The following PACRG variants were observed in gnomAD, a reference collection of about 807,000 sequenced individuals.
The protein encoded by PACRG is parkin coregulated, also known as parkin coregulated gene protein.
In PACRG, 29 loss-of-function variants were observed where a neutral mutation model predicts 29.7. That is an observed-to-expected ratio of 0.98 (90% CI 0.73 to 1.33). The LOEUF (loss-of-function observed/expected upper bound fraction) is 1.33, where lower values mean the gene tolerates loss of function less well. Ranked by LOEUF, PACRG falls within the 40% of genes most tolerant of loss-of-function variation. The pLI is 0.00. For missense variants in PACRG, 279 were observed against 316.2 expected (o/e 0.88, Z 0.89); for synonymous variants, 116 against 118.7 (o/e 0.98, Z 0.15).
At chr6:163,095,299 CT>C in intron 4 of PACRG, 3 of 985,288 alleles carry the variant, frequency 3.0e-6, no homozygotes, top group Non-Finnish European at 3.6e-6. Flanking sequence ...CAGTCACAAA[CT>C]GTAAATTACG....
chr6:163,235,198 C>T (rs577952940), intron 4 of PACRG, among the ~76,000 whole-genome samples: 15 of 152,268 alleles, frequency 9.9e-5, no homozygotes, highest in African/African-American at 1.7e-4. Flanking sequence ...GCAGTTCAGA[C>T]GCACCACATT....
At chr6:163,129,447 C>T (rs1242052813) in intron 4 of PACRG, among the ~76,000 whole-genome samples, 1 of 152,190 alleles carries the variant, frequency 6.6e-6, no homozygotes, top group East Asian at 1.9e-4. Context: ...GCAGCCCTCA[C>T]CATCAGGGCA....
At chr6:162,874,848 A>C (rs938916940) in intron 2 of PACRG, among the ~76,000 whole-genome samples, 7 of 152,026 alleles carry the variant, frequency 4.6e-5, no homozygotes, top group Non-Finnish European at 1.0e-4. Context: ...TCACATTCAC[A>C]TCATTCACAC....
chr6:162,913,186 T>C (rs1796434428), intron 2 of PACRG, among the ~76,000 whole-genome samples: 1 of 152,204 alleles, frequency 6.6e-6, no homozygotes, highest in African/African-American at 2.4e-5. Context: ...TGTTGGCCTC[T>C]GTATACACCC....
intron 2 of PACRG, among the ~76,000 whole-genome samples, chr6:162,972,451 G>A (rs928312024): frequency 6.6e-6 from 1 of 151,916 alleles, no homozygotes; most frequent in Non-Finnish European, 1.5e-5. Context: ...CCCCATAGTC[G>A]ACTATGATCT....
chr6:163,294,543 G>C (rs1329440853), intron 4 of PACRG, among the ~76,000 whole-genome samples: 1 of 152,102 alleles, frequency 6.6e-6, no homozygotes, highest in Non-Finnish European at 1.5e-5. Context: ...AATTTGAAAG[G>C]AAAGACATAT....
intron 3 of PACRG, among the ~76,000 whole-genome samples, chr6:163,079,543 A>T (rs567696335): frequency 4.9e-4 from 74 of 152,314 alleles, no homozygotes; most frequent in Non-Finnish European, 5.6e-4. Context: ...ATGAGGAAAC[A>T]TATTAGAATA....
intron 2 of PACRG, among the ~76,000 whole-genome samples, chr6:163,011,770 AT>A (rs1805640009): frequency 6.6e-6 from 1 of 152,156 alleles, no homozygotes; most frequent in Admixed American, 6.5e-5. Context: ...TTACATCCTT[AT>A]TCTATAAGCT....
chr6:162,867,553 C>T (rs750721489), intron 2 of PACRG, among the ~76,000 whole-genome samples: 2 of 152,262 alleles, frequency 1.3e-5, no homozygotes, highest in African/African-American at 4.8e-5. Flanking sequence ...CTCCTCTCTC[C>T]GCTCCCAGAC....
At chr6:162,854,924 C>A (rs1019943426) in intron 2 of PACRG, among the ~76,000 whole-genome samples, 2 of 152,238 alleles carry the variant, frequency 1.3e-5, no homozygotes, top group South Asian at 2.1e-4. Context: ...TTCTTCCGCC[C>A]TTCCTCTTAT....
chr6:163,292,290 G>A (rs576903317), intron 4 of PACRG, among the ~76,000 whole-genome samples: 14 of 152,284 alleles, frequency 9.2e-5, no homozygotes, highest in South Asian at 8.3e-4. Context: ...TTTTGGTAGC[G>A]TAATCCAGTG....
intron 2 of PACRG, among the ~76,000 whole-genome samples, chr6:163,060,672 A>G (rs1414184932): frequency 6.6e-6 from 1 of 152,066 alleles, no homozygotes; most frequent in Non-Finnish European, 1.5e-5. Context: ...TGCATTGTAA[A>G]TGGGAAGTCT....
intron 4 of PACRG, among the ~76,000 whole-genome samples, chr6:163,206,811 A>T (rs1471907438): frequency 6.6e-6 from 1 of 152,242 alleles, no homozygotes; most frequent in Admixed American, 6.5e-5. Context: ...TGTCACAAGT[A>T]ATCTCAAATC....
chr6:162,753,750 C>G (rs1398204608), intron 1 of PACRG, among the ~76,000 whole-genome samples: 2 of 152,176 alleles, frequency 1.3e-5, no homozygotes, highest in African/African-American at 2.4e-5. Context: ...CTCTCTGTCT[C>G]TTTCCTGCCA....
intron 1 of PACRG, among the ~76,000 whole-genome samples, chr6:162,748,360 G>A (rs1245887031): frequency 6.6e-6 from 1 of 152,122 alleles, no homozygotes; most frequent in Non-Finnish European, 1.5e-5. Flanking sequence ...AGGCGTGGTG[G>A]CACCTGCCTG....
At chr6:163,016,389 G>A (rs950096791) in intron 2 of PACRG, among the ~76,000 whole-genome samples, 32 of 151,916 alleles carry the variant, frequency 2.1e-4, no homozygotes, top group Non-Finnish European at 1.2e-4. Flanking sequence ...TTTAATTTTA[G>A]CAGATTAAGA....
intron 2 of PACRG, among the ~76,000 whole-genome samples, chr6:162,951,568 A>G (rs1355029760): frequency 6.6e-6 from 1 of 152,172 alleles, no homozygotes; most frequent in Non-Finnish European, 1.5e-5. Flanking sequence ...CGTCCACAAC[A>G]TCTTTCTGAG....
At chr6:163,271,872 C>A (rs1422849766) in intron 4 of PACRG, among the ~76,000 whole-genome samples, 2 of 152,142 alleles carry the variant, frequency 1.3e-5, no homozygotes, top group Admixed American at 6.5e-5. Context: ...GAATTGCTAT[C>A]TTTGTAATGC....
chr6:163,269,931 CA>C (rs1783723846), intron 4 of PACRG, among the ~76,000 whole-genome samples: 1 of 28,656 alleles, frequency 3.5e-5, no homozygotes, highest in Non-Finnish European at 6.5e-5. Flanking sequence ...AGAAAGAAAA[CA>C]AAGAAAGAAA....
Sources: allele counts gnomAD v4.1 joint callset (sites outside exome capture counted in the v4.1 genomes callset), GRCh38; gene constraint gnomAD v4.1.1; transcripts MANE v1.5; gene names NCBI Gene and HGNC (gene_info 2026-07-23, HGNC 2026-07-21).